KIAA0825: variants seen among roughly 807,000 people sequenced by gnomAD.
The protein encoded by KIAA0825 is uncharacterized protein KIAA0825.
In KIAA0825, 119 loss-of-function variants were observed where a neutral mutation model predicts 147.6. The observed-to-expected ratio is 0.81, with a 90% CI of 0.69 to 0.94. KIAA0825 has a LOEUF of 0.94. KIAA0825 is among the 40% of genes least tolerant of loss of function. The probability of loss-of-function intolerance (pLI) is 0.00; values close to 1 mark genes in which losing one functional copy is unlikely to be tolerated. For synonymous variants in KIAA0825, 470 were observed against 518.1 expected, an observed-to-expected ratio of 0.91 and a Z score of 1.26; for missense variants, 1,381 against 1,472.7, an observed-to-expected ratio of 0.94 and a Z score of 1.02.
rs572401497 is a variant in KIAA0825 at position 94,576,969 on chromosome 5, A to T, written c.-2+5464T>A. Among the ~76,000 whole-genome samples, 9 of 152,372 alleles carry T rather than the reference A, an allele frequency of 5.9e-5. No individual in the cohort carries two copies. The South Asian group carries it at 1.9e-3, about 32-fold the overall frequency. On this transcript the variant is annotated intron_variant, in intron 2 of 20. Transcript: ENST00000682413. ...GGATAATGACGCACTGGTTTAAAAGATGCACAGCAATTTAACGTATGTGTG... is the reference window on the plus strand; with the variant it reads ...GGATAATGACGCACTGGTTTAAAAGTTGCACAGCAATTTAACGTATGTGTG...
intron 20 of KIAA0825, among the ~76,000 whole-genome samples, chr5:94,325,926 A>G (rs1049473202): frequency 6.6e-6 from 1 of 152,102 alleles, no homozygotes; most frequent in Non-Finnish European, 1.5e-5. Flanking sequence ...TATACTTACA[A>G]AGCAGTTAAT....
chr5:94,310,394 T>G (rs1779052752), intron 20 of KIAA0825, among the ~76,000 whole-genome samples: 1 of 151,744 alleles, frequency 6.6e-6, no homozygotes, highest in African/African-American at 2.4e-5. Flanking sequence ...TTTTCTTCTA[T>G]TTCATGTTTT....
intron 20 of KIAA0825, among the ~76,000 whole-genome samples, chr5:94,295,528 T>C (rs1453114155): frequency 6.6e-6 from 1 of 152,180 alleles, no homozygotes; most frequent in African/African-American, 2.4e-5. Context: ...TTCAGACTTT[T>C]TGTGCTAGTT....
intron 20 of KIAA0825, among the ~76,000 whole-genome samples, chr5:94,160,909 T>A (rs1332435235): frequency 6.6e-6 from 1 of 151,838 alleles, no homozygotes; most frequent in African/African-American, 2.4e-5. Flanking sequence ...AATGTCTCTG[T>A]TTCCTTCTTT....
chr5:94,512,305 T>C (rs988011007), intron 5 of KIAA0825, among the ~76,000 whole-genome samples: 2 of 152,084 alleles, frequency 1.3e-5, no homozygotes, highest in Admixed American at 1.3e-4. Context: ...TATCACTTTT[T>C]TTAAGAACCT....
chr5:94,300,505 T>A (rs1247464555), intron 20 of KIAA0825, among the ~76,000 whole-genome samples: 1 of 152,080 alleles, frequency 6.6e-6, no homozygotes. Flanking sequence ...AATTGATATA[T>A]CTCAGTTATT....
intron 20 of KIAA0825, among the ~76,000 whole-genome samples, chr5:94,371,707 T>G (rs560046261): frequency 1.3e-5 from 2 of 152,228 alleles, no homozygotes; most frequent in African/African-American, 2.4e-5. Context: ...AAGATGAGAT[T>G]TGGAATGGGC....
intron 20 of KIAA0825, among the ~76,000 whole-genome samples, chr5:94,299,184 A>C (rs1244304179): frequency 6.6e-6 from 1 of 152,080 alleles, no homozygotes; most frequent in East Asian, 1.9e-4. Flanking sequence ...GGGATTGGGC[A>C]CTGACTGGAT....
intron 20 of KIAA0825, among the ~76,000 whole-genome samples, chr5:94,252,362 T>C (rs1240728674): frequency 6.6e-6 from 1 of 152,008 alleles, no homozygotes; most frequent in Admixed American, 6.6e-5. Context: ...GTTCTAAATT[T>C]CATGCTTTAC....
rs549808071 is a variant in KIAA0825, at chr5:94,250,296, T to G, written c.3711-96172A>C. On this transcript the variant is annotated intron_variant, in intron 20 of 20. Coordinates refer to ENST00000682413, the MANE Select transcript of KIAA0825 (RefSeq NM_001145678.3). ...GTAAAAGTCCAAAGTTGGCATATAT[T>G]AAAATGTTGATTGAAAATAACTTGT... Among the ~76,000 whole-genome samples the G allele has an allele frequency of 1.0e-3, 155 of 152,252 alleles. 1 individual carries two copies. Among genetic ancestry groups the G allele is most frequent in the African/African-American group, 3.6e-3 (151 of 41,568 alleles).
chr5:94,224,869 T>C (rs1158386766), intron 20 of KIAA0825, among the ~76,000 whole-genome samples: 3 of 152,160 alleles, frequency 2.0e-5, no homozygotes, highest in African/African-American at 7.2e-5. Flanking sequence ...GCTTCTTTCT[T>C]CTTTTATCTG....
At chr5:94,201,628 T>C (rs948339850) in intron 20 of KIAA0825, among the ~76,000 whole-genome samples, 1 of 151,834 alleles carries the variant, frequency 6.6e-6, no homozygotes, top group Non-Finnish European at 1.5e-5. Flanking sequence ...TTTTTTTTTT[T>C]GGTAGAGACG....
intron 16 of KIAA0825, among the ~76,000 whole-genome samples, chr5:94,402,249 G>A (rs545459709): frequency 1.3e-5 from 2 of 152,224 alleles, no homozygotes; most frequent in South Asian, 4.1e-4. Context: ...ATTCCAAAGT[G>A]CTTAGAAAAA....
At chr5:94,602,873 G>C (rs1786764656) in intron 1 of KIAA0825, among the ~76,000 whole-genome samples, 1 of 149,690 alleles carries the variant, frequency 6.7e-6, no homozygotes. Flanking sequence ...TTGTCACCCA[G>C]GCTGGAGTGC....
rs1341350278 is a variant in KIAA0825 at position 94,391,710 on chromosome 5, G to A, written c.3297-16C>T. 6.6e-7 allele frequency: 1 copy of A among 1,512,278 alleles called. No individual in the cohort carries two copies. The highest frequency in any genetic ancestry group is 8.9e-7 in the Non-Finnish European group (1 of 1,125,924). The allele number at this position is 1,512,278 out of a possible 1,614,324, so 93.7% of individuals were successfully genotyped here. A position where few individuals can be genotyped will look rare whatever the true frequency, so the allele number is the denominator to read the frequency against. ...CATAAATGCACTAAATACAAAGAAA[G>A]CATATACATATCAGTAGTGAAGAAT... On this transcript the variant is annotated splice_polypyrimidine_tract_variant and intron_variant, in intron 17 of 20. Transcript: ENST00000682413.
At chr5:94,378,468 G>C (rs957474300) in intron 20 of KIAA0825, among the ~76,000 whole-genome samples, 1 of 152,198 alleles carries the variant, frequency 6.6e-6, no homozygotes. Context: ...GTATTCTGTA[G>C]TGTATATATG....
intron 10 of KIAA0825, among the ~76,000 whole-genome samples, chr5:94,467,384 T>G (rs1184895366): frequency 1.3e-5 from 2 of 152,222 alleles, no homozygotes; most frequent in African/African-American, 4.8e-5. Context: ...TTTATTTAGA[T>G]TATATATCAG....
intron 20 of KIAA0825, among the ~76,000 whole-genome samples, chr5:94,227,356 A>T (rs943181094): frequency 5.1e-4 from 78 of 151,752 alleles, no homozygotes; most frequent in Non-Finnish European, 9.0e-4. Context: ...ATGAGAACAC[A>T]TGGACACAGG....
intron 20 of KIAA0825, among the ~76,000 whole-genome samples, chr5:94,272,240 A>G (rs998813604): frequency 6.6e-6 from 1 of 152,082 alleles, no homozygotes; most frequent in Non-Finnish European, 1.5e-5. Flanking sequence ...GGGCACAAAA[A>G]TATAGTTAGA....
Sources: allele counts gnomAD v4.1 joint callset (sites outside exome capture counted in the v4.1 genomes callset), GRCh38; gene constraint gnomAD v4.1.1; transcripts MANE v1.5; gene names NCBI Gene and HGNC (gene_info 2026-07-23, HGNC 2026-07-21).